Variants in SMYD3 observed in about 807,000 individuals in gnomAD.
SMYD3 encodes histone-lysine N-methyltransferase SMYD3.
Under a neutral mutation model 57.7 loss-of-function variants are expected in SMYD3, and 36 were observed. That is an observed-to-expected ratio of 0.62 (90% CI 0.48 to 0.82). SMYD3 has a LOEUF of 0.82. SMYD3 is among the 40% of genes least tolerant of loss of function. The pLI, the probability that SMYD3 is intolerant of heterozygous loss-of-function variation, is 0.00. For synonymous variants in SMYD3, 211 were observed against 195.0 expected (o/e 1.08, Z -0.68); for missense variants, 515 against 538.8 (o/e 0.96, Z 0.44).
chr1:245,984,851 T>C (rs1450879045), intron 5 of SMYD3, among the ~76,000 whole-genome samples: 1 of 152,188 alleles, frequency 6.6e-6, no homozygotes, highest in Admixed American at 6.5e-5. Context: ...TTCTCTTTCC[T>C]TCTGTACACA....
Position 246,045,268 on chromosome 1 carries a change from TG to T in SMYD3, c.532-115332del, listed in dbSNP as rs527614386. Among the ~76,000 whole-genome samples the T allele has an allele frequency of 3.8e-3, 582 of 152,302 alleles. 3 individuals are homozygous for T. The highest frequency in any genetic ancestry group is 0.013 in the African/African-American group (550 of 41,556). ...TATAGTAAACAAAACAGCATGGTAC[TG>T]GTACCAAAACAGAGAGATAGACCAA... On this transcript the variant is annotated intron_variant, in intron 5 of 11. Transcript: ENST00000490107.
intron 10 of SMYD3, among the ~76,000 whole-genome samples, chr1:245,815,796 T>C (rs2048772940): frequency 2.0e-5 from 3 of 152,248 alleles, no homozygotes; most frequent in African/African-American, 4.8e-5. Context: ...ATCGCTGTTT[T>C]TACAAACTGA....
intron 1 of SMYD3, among the ~76,000 whole-genome samples, chr1:246,480,874 C>T (rs939787964): frequency 3.3e-5 from 5 of 152,090 alleles, no homozygotes; most frequent in Admixed American, 2.0e-4. Flanking sequence ...TCTCGGCTCA[C>T]TGCAACCTCA....
intron 8 of SMYD3, among the ~76,000 whole-genome samples, chr1:245,888,914 C>G (rs1325383184): frequency 1.3e-5 from 2 of 152,298 alleles, no homozygotes; most frequent in East Asian, 3.9e-4. Flanking sequence ...CCTACCATCC[C>G]TAATACACGG....
At chr1:246,486,715 AT>A (rs2068193848) in intron 1 of SMYD3, among the ~76,000 whole-genome samples, 1 of 152,196 alleles carries the variant, frequency 6.6e-6, no homozygotes, top group Admixed American at 6.5e-5. Flanking sequence ...GTACAGTCCT[AT>A]TTTTCAGTAT....
At chr1:246,147,935 C>CG (rs2061878973) in intron 5 of SMYD3, among the ~76,000 whole-genome samples, 1 of 152,116 alleles carries the variant, frequency 6.6e-6, no homozygotes, top group Non-Finnish European at 1.5e-5. Flanking sequence ...CCTGCAGGCT[C>CG]GGGGGTGTCT....
At chr1:245,996,326 T>G (rs181320740) in intron 5 of SMYD3, among the ~76,000 whole-genome samples, 1 of 152,336 alleles carries the variant, frequency 6.6e-6, no homozygotes, top group African/African-American at 2.4e-5. Context: ...CCTAGACTCT[T>G]GAGATCAATG....
rs2064513672 is a variant in SMYD3, at chr1:246,284,405, A to C, written c.531+42796T>G. Among the ~76,000 whole-genome samples the C allele has an allele frequency of 1.4e-5, 2 of 147,550 alleles. 1 individual carries two copies. The highest frequency in any genetic ancestry group is 4.4e-4 in the South Asian group (2 of 4,564). On this transcript the variant is annotated intron_variant, in intron 5 of 11. Transcript: ENST00000490107. ...AAAATTTCCATTCTCTGAGGTTTCT[A>C]ATTCTTTTCTTTTTCTTTTTTTTTT...
intron 1 of SMYD3, among the ~76,000 whole-genome samples, chr1:246,392,109 T>C (rs2066582362): frequency 6.6e-6 from 1 of 152,196 alleles, no homozygotes; most frequent in South Asian, 2.1e-4. Context: ...TTTCATCCTT[T>C]TTTTTTCCAG....
At chr1:246,012,776 C>T (rs1040168062) in intron 5 of SMYD3, among the ~76,000 whole-genome samples, 2 of 152,192 alleles carry the variant, frequency 1.3e-5, no homozygotes, top group Admixed American at 1.3e-4. Flanking sequence ...CCTCAATTAT[C>T]ATATACATGT....
At chr1:245,963,702 T>C (rs765289397) in intron 5 of SMYD3, among the ~76,000 whole-genome samples, 12 of 152,132 alleles carry the variant, frequency 7.9e-5, no homozygotes, top group Non-Finnish European at 1.5e-4. Context: ...GAGAATTATG[T>C]TCTTAACAAG....
chr1:245,920,138 C>G (rs189567769), intron 7 of SMYD3, among the ~76,000 whole-genome samples: 1 of 151,842 alleles, frequency 6.6e-6, no homozygotes, highest in South Asian at 2.1e-4. Flanking sequence ...ACGGTGAAAC[C>G]CCGTCTCTAC....
At chr1:246,135,700 T>C (rs1429451611) in intron 5 of SMYD3, among the ~76,000 whole-genome samples, 1 of 152,148 alleles carries the variant, frequency 6.6e-6, no homozygotes, top group Non-Finnish European at 1.5e-5. Flanking sequence ...GCATAATGTA[T>C]ACATATTATA....
intron 5 of SMYD3, among the ~76,000 whole-genome samples, chr1:246,249,249 G>A (rs1365779131): frequency 1.3e-5 from 2 of 151,650 alleles, no homozygotes; most frequent in African/African-American, 2.4e-5. Context: ...GAGTACAGGC[G>A]CCTGCCACCA....
chr1:245,782,484 C>T (rs763892247), intron 10 of SMYD3, among the ~76,000 whole-genome samples: 18 of 152,326 alleles, frequency 1.2e-4, no homozygotes, highest in African/African-American at 2.9e-4. Context: ...AAACACCTGA[C>T]GGCATGGAAG....
At chr1:245,806,806 A>C (rs920887041) in intron 10 of SMYD3, among the ~76,000 whole-genome samples, 3 of 147,026 alleles carry the variant, frequency 2.0e-5, no homozygotes, top group Admixed American at 6.9e-5. Context: ...GCTACTCGGG[A>C]GGCTGAGGCA....
intron 5 of SMYD3, among the ~76,000 whole-genome samples, chr1:246,302,508 T>A (rs148418060): frequency 0.012 from 1,772 of 152,214 alleles, 10 homozygotes; most frequent in Admixed American, 0.018. Context: ...TGAAAAAAAC[T>A]GTATAAACAA....
intron 5 of SMYD3, among the ~76,000 whole-genome samples, chr1:246,158,798 T>C (rs2062066530): frequency 6.6e-6 from 1 of 152,144 alleles, no homozygotes; most frequent in Admixed American, 6.5e-5. Context: ...TGCTCTTTAA[T>C]CTAGATAACA....
intron 1 of SMYD3, among the ~76,000 whole-genome samples, chr1:246,471,488 T>C (rs1006714070): frequency 2.0e-5 from 3 of 152,240 alleles, no homozygotes; most frequent in Non-Finnish European, 4.4e-5. Context: ...TGAGCCACCA[T>C]GCCTGGCCCC....
Sources: allele counts gnomAD v4.1 joint callset (sites outside exome capture counted in the v4.1 genomes callset), GRCh38; gene constraint gnomAD v4.1.1; transcripts MANE v1.5; gene names NCBI Gene and HGNC (gene_info 2026-07-23, HGNC 2026-07-21).